FAM81B: variants seen among roughly 807,000 people sequenced by gnomAD.
FAM81B encodes family with sequence similarity 81 member B.
Under a neutral mutation model 58.7 loss-of-function variants are expected in FAM81B, and 60 were observed. That is an observed-to-expected ratio of 1.02 (90% CI 0.83 to 1.27). The LOEUF is 1.27. Among genes scored for constraint, FAM81B ranks in the 50% most tolerant of loss-of-function variants. The pLI, the probability that FAM81B is intolerant of heterozygous loss-of-function variation, is 0.00. For missense variants in FAM81B, 491 were observed against 522.0 expected, an observed-to-expected ratio of 0.94 and a Z score of 0.58; for synonymous variants, 189 against 179.6, an observed-to-expected ratio of 1.05 and a Z score of -0.42.
intron 3 of FAM81B, among the ~76,000 whole-genome samples, chr5:95,400,273 C>A (rs1423900900): frequency 6.6e-6 from 1 of 152,136 alleles, no homozygotes; most frequent in African/African-American, 2.4e-5. Context: ...TGTTCCTTGT[C>A]TCCTGCCTAG....
Position 95,420,308 on chromosome 5 carries a change from C to A in FAM81B, c.562C>A (p.Arg188=). The A allele has an allele frequency of 6.2e-7, 1 of 1,613,648 alleles. No homozygotes were observed. Among genetic ancestry groups the A allele is most frequent in the South Asian group, 1.1e-5 (1 of 91,066 alleles). ...GATTTTAGAAGACCAAATAAGAGCT[C>A]GAGATCAGGCGGCCACAGGAACTAA... ...IEILEDQIRA[R]DQAATGTNFA... Residue 188 remains arginine, a synonymous_variant, in exon 5 of 10, where the codon CGA becomes AGA. Transcript: ENST00000283357.
At chr5:95,430,222 A>G (rs145441155) in intron 6 of FAM81B, among the ~76,000 whole-genome samples, 4 of 152,138 alleles carry the variant, frequency 2.6e-5, no homozygotes, top group African/African-American at 9.6e-5. Context: ...TAGCCAGAGA[A>G]TTTTCATTCC....
chr5:95,445,026 G>A (rs993477789), intron 7 of FAM81B, among the ~76,000 whole-genome samples: 1 of 152,006 alleles, frequency 6.6e-6, no homozygotes, highest in Non-Finnish European at 1.5e-5. Context: ...AGGTGGGAGG[G>A]GGGTAACTGC....
At chr5:95,439,131 G>A (rs1470815399) in intron 7 of FAM81B, among the ~76,000 whole-genome samples, 1 of 149,686 alleles carries the variant, frequency 6.7e-6, no homozygotes, top group Non-Finnish European at 1.5e-5. Flanking sequence ...ATTATTTCTA[G>A]TTTAGGACTA....
chr5:95,415,270 T>C (rs560790715), intron 4 of FAM81B, among the ~76,000 whole-genome samples: 69 of 152,322 alleles, frequency 4.5e-4, no homozygotes, highest in African/African-American at 1.6e-3. Context: ...ATCATGAGAA[T>C]TGACAACAAT....
intron 2 of FAM81B, 112 bp from the exon 3 acceptor site, chr5:95,395,999 T>C (rs530126470): frequency 7.9e-6 from 6 of 755,798 alleles, no homozygotes; most frequent in Non-Finnish European, 1.3e-5. Flanking sequence ...GCTGATTATC[T>C]GGTCTATGGT....
chr5:95,429,654 A>G (rs1455802337), intron 6 of FAM81B, among the ~76,000 whole-genome samples: 3 of 152,138 alleles, frequency 2.0e-5, no homozygotes, highest in Admixed American at 6.6e-5. Flanking sequence ...AAGGTACTCA[A>G]TCATATCAAT....
intron 3 of FAM81B, chr5:95,410,737 A>AATCTC (rs1366842443): frequency 2.0e-5 from 3 of 152,182 alleles, no homozygotes; most frequent in Non-Finnish European, 4.4e-5. Flanking sequence ...ATAAAGGCCA[A>AATCTC]ATCTCCTTTT....
chr5:95,392,797 C>A lies in FAM81B; in HGVS notation c.128C>A (p.Thr43Lys). 6.2e-7 allele frequency: 1 copy of A among 1,607,554 alleles called. No individual in the cohort carries two copies. The highest frequency in any genetic ancestry group is 8.5e-7 in the Non-Finnish European group (1 of 1,176,608). The change falls in exon 2 of 10, where the codon ACA becomes AAA. Residue 43 changes from threonine (T) to lysine (K), a missense_variant. Coordinates refer to ENST00000283357, the MANE Select transcript of FAM81B (RefSeq NM_152548.3). ...AGKASIMSSD[T>K]NVNKSASPTA... is the part of the protein sequence containing the mutation. ...ATTCAGCATTCTGGTTACCTAGATA[C>A]AAATGTAAACAAAAGTGCCTCTCCA...
intron 5 of FAM81B, among the ~76,000 whole-genome samples, chr5:95,427,056 A>G (rs892916604): frequency 2.0e-5 from 3 of 151,952 alleles, no homozygotes; most frequent in Non-Finnish European, 4.4e-5. Flanking sequence ...CTCAAAAAAA[A>G]GAAAAGAAGC....
chr5:95,436,041 C>T (rs1386257989), intron 6 of FAM81B, among the ~76,000 whole-genome samples: 1 of 152,138 alleles, frequency 6.6e-6, no homozygotes, highest in African/African-American at 2.4e-5. Context: ...GAGCTGAATT[C>T]TGTTTGACCA....
intron 5 of FAM81B, among the ~76,000 whole-genome samples, chr5:95,423,757 T>G (rs1038876236): frequency 2.0e-5 from 3 of 152,124 alleles, no homozygotes; most frequent in Non-Finnish European, 4.4e-5. Flanking sequence ...ATCTTTAATA[T>G]AATATGGAAG....
At chr5:95,432,525 C>T (rs1001893953) in intron 6 of FAM81B, among the ~76,000 whole-genome samples, 1 of 151,996 alleles carries the variant, frequency 6.6e-6, no homozygotes, top group South Asian at 2.1e-4. Flanking sequence ...GGGAAGGAAG[C>T]CCTTTGATAG....
chr5:95,428,863 C>T, intron 6 of FAM81B, 131 bp downstream of exon 6: 1 of 1,213,184 alleles, frequency 8.2e-7, no homozygotes, highest in Admixed American at 2.0e-5. Context: ...GTAATTCTGA[C>T]AGCTCACTCA....
chr5:95,446,312 T>C (rs555003314), intron 7 of FAM81B, among the ~76,000 whole-genome samples: 25 of 152,272 alleles, frequency 1.6e-4, no homozygotes, highest in African/African-American at 5.8e-4. Flanking sequence ...CAGCCAGCAG[T>C]GCTCCTGTCA....
chr5:95,420,606 A>G (rs1045735579), intron 5 of FAM81B, among the ~76,000 whole-genome samples: 2 of 152,216 alleles, frequency 1.3e-5, no homozygotes, highest in Non-Finnish European at 2.9e-5. Context: ...AAGACCCCTT[A>G]CACAGTTTGA....
At chr5:95,401,274 C>A (rs561457765) in intron 3 of FAM81B, among the ~76,000 whole-genome samples, 1 of 152,120 alleles carries the variant, frequency 6.6e-6, no homozygotes, top group Non-Finnish European at 1.5e-5. Flanking sequence ...TCTTCTGGAC[C>A]GTGCCACTAT....
rs200384844 is a variant in FAM81B at position 95,446,589 on chromosome 5, C to A, written c.921C>A (p.Tyr307Ter). The A allele has an allele frequency of 3.1e-6, 5 of 1,609,176 alleles. No homozygotes were observed. The highest frequency in any genetic ancestry group is 1.3e-5 in the African/African-American group (1 of 74,528). ...FKFHSLSSNL[Y>*]EEVENNKKWT... ...TTCATTCACTTTCAAGTAATCTGTA[C>A]GAAGAAGTTGAGAATAATAAAAAAT... Residue 307 changes from tyrosine (Y) to a stop codon, truncating the protein, a stop_gained, in exon 8 of 10, where the codon TAC (tyrosine) becomes TAA (stop). Transcript: ENST00000283357. LOFTEE classifies it high-confidence loss of function.
In FAM81B at chr5:95,428,704, A is replaced by C. The variant is rs769272282; in HGVS notation, c.758A>C (p.Glu253Ala). The stretch of plus-strand genomic sequence containing the variant: ...ATTCAAGAATTCGTGCCCGCCCTGG[A>C]AACTCTTTCCAAGAACTTGGACATG... ...KAIQEFVPAL[E>A]TLSKNLDMKV... Residue 253 changes from glutamate to alanine, a missense_variant, in exon 6 of 10, where the codon GAA (glutamate) becomes GCA (alanine). Physicochemically the swap from Glu to Ala is moderately radical, Grantham distance 107. Coordinates refer to ENST00000283357, the MANE Select transcript of FAM81B (RefSeq NM_152548.3). 1 of 1,614,004 alleles carries C rather than the reference A, an allele frequency of 6.2e-7. No homozygotes were observed. Among genetic ancestry groups the C allele is most frequent in the South Asian group, 1.1e-5 (1 of 91,082 alleles).
Sources: gnomAD v4.1 joint callset for allele counts (sites outside exome capture counted in the v4.1 genomes callset) on GRCh38, gnomAD v4.1.1 for gene constraint, MANE v1.5 for transcripts, NCBI Gene and HGNC (gene_info 2026-07-23, HGNC 2026-07-21) for gene names.